The following AGBL1 variants were observed in gnomAD, a reference collection of about 807,000 sequenced individuals.
The protein encoded by AGBL1 is AGBL carboxypeptidase 1.
A neutral mutation model predicts 118.9 loss-of-function variants in AGBL1; 130 were observed. That is an observed-to-expected ratio of 1.09 (90% confidence interval 0.95 to 1.26). The LOEUF is 1.26. Among genes scored for constraint, AGBL1 ranks in the 50% most tolerant of loss-of-function variants. The probability of loss-of-function intolerance (pLI) is 0.00; values close to 1 mark genes in which losing one functional copy is unlikely to be tolerated. For missense variants in AGBL1, 1,584 were observed against 1,298.1 expected (o/e 1.22, Z -3.38); for synonymous variants, 555 against 478.9 (o/e 1.16, Z -2.08).
At chr15:86,982,334 T>C (rs1462940674) in intron 23 of AGBL1, among the ~76,000 whole-genome samples, 1 of 152,168 alleles carries the variant, frequency 6.6e-6, no homozygotes, top group African/African-American at 2.4e-5. Context: ...CCTATTTTAC[T>C]CTTTTATAGT....
In AGBL1 at chr15:86,235,336, C is replaced by A. The variant is rs573490052; in HGVS notation, c.526+10385C>A. Among the ~76,000 whole-genome samples the A allele has an allele frequency of 3.5e-4, 54 of 152,266 alleles. No individual in the cohort carries two copies. The South Asian group carries it at 4.1e-3, about 12-fold the overall frequency. On this transcript the variant is annotated intron_variant, in intron 6 of 22. Coordinates refer to ENST00000614907, the MANE Select transcript of AGBL1 (RefSeq NM_001386094.1). ...AAAGGAATCAGTGAATAAGTGAATG[C>A]GTGCAGATTGAACCCTGCTCAATCA...
chr15:86,692,252 T>A lies in AGBL1; in HGVS notation c.3158+17816T>A, dbSNP rs552217135. 2.0e-5 allele frequency among the ~76,000 whole-genome samples: 3 copies of A among 151,898 alleles called. No individual in the cohort carries two copies. The South Asian group carries it at 6.3e-4, about 32-fold the overall frequency. ...AGTGCCAGAATTGTTCTCGAATCAG[T>A]CCACATCCTAGCATCAAGCAGATGG... On this transcript the variant is annotated intron_variant, in intron 22 of 22. Coordinates refer to ENST00000614907, the MANE Select transcript of AGBL1 (RefSeq NM_001386094.1).
chr15:86,732,375 G>A (rs2077537622), intron 22 of AGBL1, among the ~76,000 whole-genome samples: 1 of 152,144 alleles, frequency 6.6e-6, no homozygotes, highest in Non-Finnish European at 1.5e-5. Context: ...TTCTTGTGAT[G>A]TGATTTTACA....
At chr15:86,688,423 T>C (rs551069539) in intron 22 of AGBL1, among the ~76,000 whole-genome samples, 48 of 152,252 alleles carry the variant, frequency 3.2e-4, no homozygotes, top group Admixed American at 3.1e-3. Flanking sequence ...TCTGAAATCA[T>C]ATGCAAATTA....
intron 22 of AGBL1, among the ~76,000 whole-genome samples, chr15:86,714,828 G>C: frequency 6.6e-6 from 1 of 152,250 alleles, no homozygotes; most frequent in South Asian, 2.1e-4. Flanking sequence ...AGCATCAAGG[G>C]AGGGGCCCCT....
intron 22 of AGBL1, among the ~76,000 whole-genome samples, chr15:86,834,685 C>G (rs2079148522): frequency 6.6e-6 from 1 of 152,208 alleles, no homozygotes; most frequent in Admixed American, 6.5e-5. Context: ...CCAGTTACCA[C>G]TAGGGAGCCA....
intron 19 of AGBL1, 27 bp from the exon 20 acceptor site, chr15:86,545,970 GTTTTA>G (rs754433484): frequency 6.2e-7 from 1 of 1,605,384 alleles, no homozygotes. Context: ...ACCTGACCTG[GTTTTA>G]TTTTCTCCTT....
At chr15:87,015,574 A>G (rs2081601577) in intron 24 of AGBL1, among the ~76,000 whole-genome samples, 1 of 152,226 alleles carries the variant, frequency 6.6e-6, no homozygotes, top group Non-Finnish European at 1.5e-5. Flanking sequence ...TAGGAGTTAT[A>G]TATACAACAT....
chr15:86,753,722 A>G (rs781227724), intron 22 of AGBL1, among the ~76,000 whole-genome samples: 41 of 151,982 alleles, frequency 2.7e-4, no homozygotes, highest in Non-Finnish European at 3.5e-4. Context: ...CTAACTGTCA[A>G]TCATGTCTAG....
At chr15:86,565,981 G>A (rs1053529895) in intron 21 of AGBL1, among the ~76,000 whole-genome samples, 1 of 152,224 alleles carries the variant, frequency 6.6e-6, no homozygotes, top group African/African-American at 2.4e-5. Context: ...CATTGGAAAA[G>A]CGCAGTATTA....
intron 21 of AGBL1, among the ~76,000 whole-genome samples, chr15:86,608,800 A>G (rs2084619235): frequency 6.6e-6 from 1 of 152,216 alleles, no homozygotes. Context: ...ATCTGAATTT[A>G]ATGTAAAATC....
chr15:86,800,093 T>A (rs1596492666), intron 22 of AGBL1, among the ~76,000 whole-genome samples: 1 of 152,106 alleles, frequency 6.6e-6, no homozygotes, highest in Admixed American at 6.6e-5. Context: ...TGTTTACTAA[T>A]AAGTAATGGC....
At chr15:86,588,773 G>A (rs758480096) in intron 21 of AGBL1, among the ~76,000 whole-genome samples, 1 of 152,166 alleles carries the variant, frequency 6.6e-6, no homozygotes, top group Non-Finnish European at 1.5e-5. Flanking sequence ...TGAGGAGGCA[G>A]CAAGAACTGA....
chr15:86,753,345 C>T (rs1328769587), intron 22 of AGBL1, among the ~76,000 whole-genome samples: 1 of 151,236 alleles, frequency 6.6e-6, no homozygotes, highest in African/African-American at 2.4e-5. Flanking sequence ...TGCTTAGGGA[C>T]ACACAAGAGT....
chr15:86,626,916 C>T (rs1419031259), intron 21 of AGBL1, among the ~76,000 whole-genome samples: 1 of 150,044 alleles, frequency 6.7e-6, no homozygotes, highest in African/African-American at 2.5e-5. Flanking sequence ...TGGCTCACTG[C>T]AACCTCTGCC....
intron 17 of AGBL1, among the ~76,000 whole-genome samples, chr15:86,345,381 C>T (rs1418185982): frequency 1.3e-5 from 2 of 152,166 alleles, no homozygotes; most frequent in African/African-American, 4.8e-5. Flanking sequence ...TAATTATGCA[C>T]CTACTATGTT....
intron 18 of AGBL1, among the ~76,000 whole-genome samples, chr15:86,471,980 CAA>C (rs1222695480): frequency 2.0e-5 from 3 of 152,104 alleles, no homozygotes; most frequent in Non-Finnish European, 2.9e-5. Flanking sequence ...ATAAGACACA[CAA>C]GAGAGGACAC....
At chr15:86,987,958 T>G in intron 23 of AGBL1, 1 of 1,609,528 alleles carries the variant, frequency 6.2e-7, no homozygotes, top group Non-Finnish European at 8.5e-7. Context: ...TTCACCAATC[T>G]GTACCACTCA....
chr15:86,175,206 T>C (rs2141768648), intron 5 of AGBL1, among the ~76,000 whole-genome samples: 1 of 152,230 alleles, frequency 6.6e-6, no homozygotes, highest in East Asian at 1.9e-4. Context: ...ATTATTATTC[T>C]GTTCAGATTT....
Sources: gnomAD v4.1 joint callset for allele counts (sites outside exome capture counted in the v4.1 genomes callset) on GRCh38, gnomAD v4.1.1 for gene constraint, MANE v1.5 for transcripts, NCBI Gene and HGNC (gene_info 2026-07-23, HGNC 2026-07-21) for gene names.